The following MLF1 variants were observed in gnomAD, a reference collection of about 807,000 sequenced individuals.
MLF1 encodes the protein myelodysplasia-myeloid leukemia factor 1.
MLF1 carries 37 observed loss-of-function variants against 38.3 expected under a neutral mutation model. That is an observed-to-expected ratio of 0.96 (90% CI 0.74 to 1.27). The LOEUF (loss-of-function observed/expected upper bound fraction) is 1.27. MLF1 is among the 50% of genes most tolerant of loss of function. The pLI, the probability that MLF1 is intolerant of heterozygous loss-of-function variation, is 0.00. For synonymous variants in MLF1, 95 were observed against 106.5 expected, an observed-to-expected ratio of 0.89 and a Z score of 0.66; for missense variants, 331 against 349.2, an observed-to-expected ratio of 0.95 and a Z score of 0.42.
chr3:158,602,996 T>G, intron 7 of MLF1, 57 bp downstream of exon 7: 1 of 1,476,638 alleles, frequency 6.8e-7, no homozygotes, highest in Non-Finnish European at 9.3e-7. Flanking sequence ...AGTAAAGTTA[T>G]GTAATTTACT....
intron 1 of MLF1, among the ~76,000 whole-genome samples, chr3:158,588,385 A>C (rs890317663): frequency 6.6e-6 from 1 of 152,136 alleles, no homozygotes; most frequent in African/African-American, 2.4e-5. Flanking sequence ...GTTATGTCAG[A>C]ATAACACATT....
At chr3:158,596,996 T>A in intron 4 of MLF1, 51 bp downstream of exon 4, 2 of 1,205,284 alleles carry the variant, frequency 1.7e-6, no homozygotes, top group Non-Finnish European at 2.4e-6. Context: ...TTTGATATAT[T>A]CTATTTCATA....
chr3:158,590,358 A>C (rs1395019030), intron 1 of MLF1, among the ~76,000 whole-genome samples: 1 of 152,176 alleles, frequency 6.6e-6, no homozygotes, highest in Non-Finnish European at 1.5e-5. Context: ...TGCAACTGGA[A>C]CTCTCAGTTA....
At chr3:158,602,595 ATAACTAGATCATCAG>A (rs1484201663) in intron 6 of MLF1, among the ~76,000 whole-genome samples, 197 bp from the exon 7 acceptor site, 1 of 152,244 alleles carries the variant, frequency 6.6e-6, no homozygotes, top group Non-Finnish European at 1.5e-5. Flanking sequence ...TAGATCATCA[ATAACTAGATCATCAG>A]TAGGAATAGG....
At chr3:158,601,749 G>T (rs113234424) in intron 6 of MLF1, among the ~76,000 whole-genome samples, 1 of 128,684 alleles carries the variant, frequency 7.8e-6, no homozygotes, top group Non-Finnish European at 1.6e-5. Context: ...GAGCAAGACT[G>T]TGTTGGGTGG....
At chr3:158,596,461 C>T (rs1166149292) in intron 3 of MLF1, among the ~76,000 whole-genome samples, 2 of 152,064 alleles carry the variant, frequency 1.3e-5, no homozygotes, top group Non-Finnish European at 2.9e-5. Context: ...TAGTTATTTG[C>T]ATGGTGGAGT....
chr3:158,598,032 A>G, intron 4 of MLF1, 48 bp from the exon 5 acceptor site: 1 of 1,594,420 alleles, frequency 6.3e-7, no homozygotes, highest in Non-Finnish European at 8.6e-7. Context: ...CTCTGGCAAT[A>G]ATTATTTATA....
chr3:158,598,319 A>AG, intron 5 of MLF1, 111 bp downstream of exon 5: 2 of 525,682 alleles, frequency 3.8e-6, no homozygotes, highest in Non-Finnish European at 6.0e-6. Flanking sequence ...GTGGGGGGAC[A>AG]GGAGGGAGGT....
intron 2 of MLF1, 114 bp from the exon 3 acceptor site, chr3:158,593,268 A>C: frequency 2.7e-6 from 2 of 747,900 alleles, no homozygotes; most frequent in African/African-American, 1.8e-5. Flanking sequence ...ATAAAGATGA[A>C]TCTCAGCAAT....
intron 1 of MLF1, among the ~76,000 whole-genome samples, chr3:158,577,841 A>G (rs1295619450): frequency 6.6e-6 from 1 of 152,202 alleles, no homozygotes; most frequent in African/African-American, 2.4e-5. Flanking sequence ...TATCCATGAA[A>G]AAGGAGTGAA....
chr3:158,605,590 A>G lies in MLF1; in HGVS notation c.*388A>G, dbSNP rs978191953. 1.0e-5 allele frequency: 2 copies of G among 197,188 alleles called. No homozygotes were observed. The highest frequency in any genetic ancestry group is 6.0e-5 in the Admixed American group (1 of 16,778). 12.2% of individuals were successfully genotyped at this position (197,188 alleles called of 1,614,324 possible). A position where few individuals can be genotyped will look rare whatever the true frequency, so the allele number is the denominator to read the frequency against. On this transcript the variant is annotated 3_prime_UTR_variant, in exon 8 of 8. Coordinates refer to ENST00000466246, the MANE Select transcript of MLF1 (RefSeq NM_001369783.1). Reference sequence around the variant, plus strand: ...GAAATTATAATGTTAAAAAAGTCTCAGTTTTTACTAACACTGTACTAGGGT... The same window carrying G: ...GAAATTATAATGTTAAAAAAGTCTCGGTTTTTACTAACACTGTACTAGGGT...
In MLF1 at chr3:158,593,417, T is replaced by C. The variant is rs1459658236; in HGVS notation, c.231T>C (p.Phe77=). 16 of 1,562,432 alleles carry C rather than the reference T, an allele frequency of 1.0e-5. No homozygotes were observed. The highest frequency in any genetic ancestry group is 1.3e-5 in the Non-Finnish European group (15 of 1,160,340). Residue 77 remains phenylalanine (F), a synonymous_variant, in exon 3 of 8, where the codon TTT becomes TTC. Transcript: ENST00000466246. ...GTTCTCTTGTGCCTTTTGGCGATTT[T>C]GGTGGTATGGTTCGTATCTTAAGAC... ...TSCSLVPFGD[F]GGMHTDVSSF...
At chr3:158,576,855 G>A (rs1274504975) in intron 1 of MLF1, among the ~76,000 whole-genome samples, 2 of 151,862 alleles carry the variant, frequency 1.3e-5, no homozygotes, top group Admixed American at 1.3e-4. Context: ...TGTATTTTTA[G>A]TAGATACCGG....
intron 5 of MLF1, among the ~76,000 whole-genome samples, chr3:158,599,045 A>G (rs1001608987): frequency 6.6e-6 from 1 of 152,106 alleles, no homozygotes; most frequent in African/African-American, 2.4e-5. Flanking sequence ...TGAATATATT[A>G]TGATTAATAC....
At chr3:158,601,330 G>T (rs974864305) in intron 6 of MLF1, among the ~76,000 whole-genome samples, 3 of 152,128 alleles carry the variant, frequency 2.0e-5, no homozygotes, top group African/African-American at 7.2e-5. Flanking sequence ...GGCACTTTGG[G>T]AGGCCAAGGC....
chr3:158,572,516 G>GGGT (rs1714654104), intron 1 of MLF1, among the ~76,000 whole-genome samples: 3 of 95,892 alleles, frequency 3.1e-5, no homozygotes, highest in South Asian at 4.0e-4. Context: ...TGAGGTGTGG[G>GGGT]AGGAGGGTTG....
intron 6 of MLF1, among the ~76,000 whole-genome samples, chr3:158,601,293 G>A (rs915702152): frequency 4.6e-5 from 7 of 151,940 alleles, no homozygotes; most frequent in South Asian, 2.1e-4. Context: ...ATCAGGGCCC[G>A]GCACAGTGAC....
intron 2 of MLF1, among the ~76,000 whole-genome samples, 181 bp downstream of exon 2, chr3:158,592,762 A>G (rs1056038105): frequency 6.6e-6 from 1 of 152,186 alleles, no homozygotes; most frequent in African/African-American, 2.4e-5. Flanking sequence ...TGTCAGCTAT[A>G]TGGAATTTCA....
rs1017445171 is a variant in MLF1 at position 158,593,576 on chromosome 3, A to G, written c.240+150A>G. 3.1e-5 allele frequency: 17 copies of G among 554,464 alleles called. No individual in the cohort carries two copies. In the African/African-American group the frequency reaches 3.1e-4, roughly 10 times the overall value. The allele number at this position is 554,464 out of a possible 1,614,324, so 34.3% of individuals were successfully genotyped here. On this transcript the variant is annotated intron_variant, in intron 3 of 7. Transcript: ENST00000466246. The stretch of plus-strand genomic sequence containing the variant: ...TGAAAACCTCTGTTTCAAGTATCAG[A>G]CTTACCTTAGAAAGTTTAGGCACAT...
Sources: gnomAD v4.1 joint callset for allele counts (sites outside exome capture counted in the v4.1 genomes callset) on GRCh38, gnomAD v4.1.1 for gene constraint, MANE v1.5 for transcripts, NCBI Gene and HGNC (gene_info 2026-07-23, HGNC 2026-07-21) for gene names.